SPMIP7: variants seen among roughly 807,000 people sequenced by gnomAD.
The protein encoded by SPMIP7 is protein SPMIP7.
chr7:50,147,371 GT>G, the SPMIP7 span, among the ~76,000 whole-genome samples: 1 of 152,142 alleles, frequency 6.6e-6, no homozygotes, highest in African/African-American at 2.4e-5. Flanking sequence ...TGCCAGCTTG[GT>G]TGGTGCTGGC....
the SPMIP7 span, among the ~76,000 whole-genome samples, chr7:50,126,269 C>T: frequency 3.3e-5 from 5 of 152,036 alleles, 1 homozygote; most frequent in East Asian, 7.7e-4. Flanking sequence ...TTACAAACTT[C>T]TGTGTGCCAA....
the SPMIP7 span, among the ~76,000 whole-genome samples, chr7:50,123,806 A>C: frequency 7.4e-6 from 1 of 135,004 alleles, no homozygotes; most frequent in Non-Finnish European, 1.8e-5. Context: ...AAAGACAGAA[A>C]AAAAAGGAAC....
chr7:50,145,659 T>TATAC, the SPMIP7 span, among the ~76,000 whole-genome samples: 9 of 111,968 alleles, frequency 8.0e-5, no homozygotes, highest in East Asian at 4.9e-4. Flanking sequence ...TATATATATA[T>TATAC]ACATCTTACA....
chr7:50,117,960 CATT>C, the SPMIP7 span, among the ~76,000 whole-genome samples: 3 of 152,134 alleles, frequency 2.0e-5, no homozygotes, highest in Admixed American at 1.3e-4. Flanking sequence ...CACGAACTGC[CATT>C]ATTAAGATTG....
the SPMIP7 span, among the ~76,000 whole-genome samples, chr7:50,098,560 G>T: frequency 1.3e-5 from 2 of 152,158 alleles, no homozygotes; most frequent in African/African-American, 2.4e-5. Context: ...TGAAACAACA[G>T]ATAATTGTTT....
the SPMIP7 span, among the ~76,000 whole-genome samples, chr7:50,099,377 G>A: frequency 6.6e-6 from 1 of 152,150 alleles, no homozygotes; most frequent in South Asian, 2.1e-4. Context: ...TGTGGGGTAT[G>A]TTATTTAACT....
the SPMIP7 span, among the ~76,000 whole-genome samples, chr7:50,113,586 G>C: frequency 6.6e-6 from 1 of 152,072 alleles, no homozygotes; most frequent in Non-Finnish European, 1.5e-5. Flanking sequence ...GATCTTGCAT[G>C]ATGAAAGATC....
At chr7:50,145,656 AT>A in the SPMIP7 span, among the ~76,000 whole-genome samples, 1 of 117,466 alleles carries the variant, frequency 8.5e-6, no homozygotes, top group African/African-American at 3.2e-5. Flanking sequence ...ATATATATAT[AT>A]ATACATCTTA....
At chr7:50,095,897 C>A in the SPMIP7 span, 1 of 446,884 alleles carries the variant, frequency 2.2e-6, no homozygotes, top group South Asian at 6.5e-5. Context: ...CCCTATTCTT[C>A]CTTTGGTGGA....
At chr7:50,154,509 T>C in the SPMIP7 span, among the ~76,000 whole-genome samples, 1 of 152,248 alleles carries the variant, frequency 6.6e-6, no homozygotes, top group African/African-American at 2.4e-5. Flanking sequence ...CATGTTTCTT[T>C]CTGTGTCTAT....
At chr7:50,148,911 C>T in the SPMIP7 span, among the ~76,000 whole-genome samples, 2 of 152,144 alleles carry the variant, frequency 1.3e-5, no homozygotes, top group African/African-American at 4.8e-5. Flanking sequence ...CTTTGGGAGG[C>T]CGAGGCGGGT....
the SPMIP7 span, among the ~76,000 whole-genome samples, chr7:50,138,292 G>T: frequency 6.6e-6 from 1 of 152,214 alleles, no homozygotes; most frequent in Non-Finnish European, 1.5e-5. Flanking sequence ...GCTAAAGCCT[G>T]TGAGTGCTGA....
At chr7:50,144,366 C>A in the SPMIP7 span, among the ~76,000 whole-genome samples, 1 of 152,078 alleles carries the variant, frequency 6.6e-6, no homozygotes. Context: ...CATATATGTA[C>A]AAGTGTATTG....
chr7:50,139,931 A>G, the SPMIP7 span, among the ~76,000 whole-genome samples: 1 of 152,206 alleles, frequency 6.6e-6, no homozygotes, highest in Non-Finnish European at 1.5e-5. Context: ...CAGACCCAAA[A>G]ATTTATTATA....
chr7:50,131,005 G>C, the SPMIP7 span, among the ~76,000 whole-genome samples: 3 of 152,130 alleles, frequency 2.0e-5, no homozygotes, highest in Non-Finnish European at 4.4e-5. Context: ...GTCATTCTGA[G>C]TGACATGAGG....
chr7:50,096,222 G>A, the SPMIP7 span: 2 of 1,551,624 alleles, frequency 1.3e-6, no homozygotes, highest in Non-Finnish European at 1.7e-6. Context: ...TTTGTGAAAG[G>A]TCTTGAGAAC....
At chr7:50,107,193 T>TA in the SPMIP7 span, among the ~76,000 whole-genome samples, 4 of 151,136 alleles carry the variant, frequency 2.6e-5, no homozygotes, top group Admixed American at 2.6e-4. Context: ...CCATTTCTAT[T>TA]AAAAATACAA....
the SPMIP7 span, among the ~76,000 whole-genome samples, chr7:50,103,549 C>T: frequency 5.9e-5 from 9 of 152,300 alleles, no homozygotes; most frequent in African/African-American, 2.2e-4. Context: ...TTTTAAGAGG[C>T]TATACCTAAC....
chr7:50,112,532 A>G, the SPMIP7 span, among the ~76,000 whole-genome samples: 147 of 152,180 alleles, frequency 9.7e-4, no homozygotes, highest in Non-Finnish European at 1.7e-3. Flanking sequence ...TAAAAAAATG[A>G]TAAGCAAAGT....
Sources: gnomAD v4.1 joint callset for allele counts (sites outside exome capture counted in the v4.1 genomes callset) on GRCh38, gnomAD v4.1.1 for gene constraint, MANE v1.5 for transcripts, NCBI Gene and HGNC (gene_info 2026-07-23, HGNC 2026-07-21) for gene names.